Variants in LBR observed in about 807,000 individuals in gnomAD.
The protein encoded by LBR is lamin B receptor.
In LBR, 28 loss-of-function variants were observed where a neutral mutation model predicts 74.3. That is an observed-to-expected ratio of 0.38 (90% CI 0.28 to 0.52). The LOEUF (loss-of-function observed/expected upper bound fraction) is 0.52, where lower values mean the gene tolerates loss of function less well. Among genes scored for constraint, LBR ranks in the 20% least tolerant of loss-of-function variants. LBR has a pLI of 0.89. For synonymous variants in LBR, 228 were observed against 269.3 expected (o/e 0.85, Z 1.50); for missense variants, 717 against 760.3 (o/e 0.94, Z 0.67).
chr1:225,409,720 AAAAC>A (rs985245672), intron 10 of LBR, among the ~76,000 whole-genome samples: 8 of 152,234 alleles, frequency 5.3e-5, no homozygotes, highest in Non-Finnish European at 1.0e-4. Flanking sequence ...TGAGACAGAG[AAAAC>A]AAACAAAACA....
At chr1:225,416,012 G>C (rs2096116386) in intron 6 of LBR, among the ~76,000 whole-genome samples, 1 of 152,018 alleles carries the variant, frequency 6.6e-6, no homozygotes, top group Non-Finnish European at 1.5e-5. Flanking sequence ...AGACCAGCCT[G>C]GGCAACATGG....
At chr1:225,427,250 T>G (rs964307143) in intron 1 of LBR, 1 of 152,168 alleles carries the variant, frequency 6.6e-6, no homozygotes, top group Non-Finnish European at 1.5e-5. Context: ...CTGGCTGTCA[T>G]TAGAACATTT....
intron 7 of LBR, 122 bp from the exon 8 acceptor site, chr1:225,412,767 T>A (rs1213024388): frequency 4.6e-6 from 4 of 864,174 alleles, no homozygotes; most frequent in Non-Finnish European, 7.3e-6. Flanking sequence ...TTATTCAGAC[T>A]AAATACACAC....
chr1:225,408,283 C>A (rs952070121), intron 10 of LBR, among the ~76,000 whole-genome samples: 1 of 152,206 alleles, frequency 6.6e-6, no homozygotes, highest in Admixed American at 6.5e-5. Flanking sequence ...TGAGGACACA[C>A]GGTGTTTTAA....
intron 11 of LBR, among the ~76,000 whole-genome samples, chr1:225,406,027 G>A (rs2096090849): frequency 6.6e-6 from 1 of 152,170 alleles, no homozygotes; most frequent in South Asian, 2.1e-4. Context: ...GTGGACCGCA[G>A]CTGCAGCCAA....
chr1:225,414,078 G>A (rs554568299), intron 7 of LBR: 3 of 456,756 alleles, frequency 6.6e-6, no homozygotes, highest in Non-Finnish European at 8.8e-6. Flanking sequence ...ACCAGAGGGA[G>A]GGAGGGTGCC....
At chr1:225,404,599 A>G (rs1202256479) in intron 12 of LBR, 27 bp downstream of exon 12, 2 of 1,573,758 alleles carry the variant, frequency 1.3e-6, no homozygotes, top group Non-Finnish European at 1.7e-6. Context: ...TGTAATATAT[A>G]TAATATAAAC....
intron 6 of LBR, among the ~76,000 whole-genome samples, chr1:225,417,390 G>GA (rs1176075462): frequency 6.6e-6 from 1 of 152,076 alleles, no homozygotes; most frequent in Non-Finnish European, 1.5e-5. Context: ...ACTGAAAGAA[G>GA]AAAAAACTAC....
chr1:225,414,041 C>T (rs1295997438), intron 7 of LBR: 12 of 456,780 alleles, frequency 2.6e-5, no homozygotes, highest in South Asian at 1.9e-4. Flanking sequence ...ACCCCAGACT[C>T]ACCTTCCCTG....
At position 225,417,986 on chromosome 1, in the gene LBR, T is replaced by C; in HGVS notation, c.835A>G (p.Lys279Glu). The C allele has an allele frequency of 6.2e-7, 1 of 1,613,716 alleles. No individual in the cohort carries two copies. The highest frequency in any genetic ancestry group is 1.1e-5 in the South Asian group (1 of 91,066). ...AAACAGAATTACCATAAACGTACCT[T>C]TCCAATTGGCAGTAGGTAGAACAGG... ...QVLFYLLPIG[K>E]VVEGTPLIDG... The change falls in exon 6 of 14, where the codon AAG becomes GAG. Residue 279 changes from lysine to glutamate, a missense_variant and splice_region_variant. Coordinates refer to ENST00000272163, the MANE Select transcript of LBR (RefSeq NM_002296.4).
At chr1:225,425,619 T>C (rs2096137627) in intron 1 of LBR, among the ~76,000 whole-genome samples, 1 of 152,086 alleles carries the variant, frequency 6.6e-6, no homozygotes, top group Non-Finnish European at 1.5e-5. Flanking sequence ...ACATCCAGCT[T>C]TGCCTATTTC....
At chr1:225,405,607 A>G (rs1350940366) in intron 11 of LBR, among the ~76,000 whole-genome samples, 1 of 151,996 alleles carries the variant, frequency 6.6e-6, no homozygotes, top group Non-Finnish European at 1.5e-5. Context: ...CCACCCTGGG[A>G]TGCTGCAGCA....
chr1:225,424,951 C>A (rs2096136175), intron 1 of LBR, among the ~76,000 whole-genome samples: 1 of 152,192 alleles, frequency 6.6e-6, no homozygotes, highest in African/African-American at 2.4e-5. Flanking sequence ...CACAACAAAA[C>A]CAGGGCTGCC....
Position 225,410,353 on chromosome 1 carries a change from A to C in LBR, c.1252T>G (p.Leu418Val). Residue 418 changes from leucine to valine, a missense_variant, in exon 10 of 14, where the codon TTG becomes GTG. Leu to Val is a conservative substitution (Grantham distance 32). Transcript: ENST00000272163. ...MKIQDRAVPS[L>V]AMILVNSFQL... is the part of the protein sequence containing the mutation. ...AAACTATTAACTAAAATCATGGCCAAGGATGGAACAGCGCGGTCCTGTATT... is the reference window on the plus strand; with the variant it reads ...AAACTATTAACTAAAATCATGGCCACGGATGGAACAGCGCGGTCCTGTATT... The C allele has an allele frequency of 1.9e-6, 3 of 1,614,218 alleles. No individual in the cohort carries two copies. Among genetic ancestry groups the C allele is most frequent in the Admixed American group, 1.7e-5 (1 of 60,032 alleles).
In LBR at chr1:225,410,365, C is replaced by T. The variant is rs765875442; in HGVS notation, c.1240G>A (p.Ala414Thr). ...AAAATCATGGCCAAGGATGGAACAG[C>T]GCGGTCCTGTATTTTCATTTCAGCC... ...LLAEMKIQDR[A>T]VPSLAMILVN... The change falls in exon 10 of 14, where the codon GCT becomes ACT. Residue 414 changes from alanine to threonine, a missense_variant. Physicochemically the swap from Ala to Thr is moderately conservative, Grantham distance 58. Transcript: ENST00000272163. 20 of 1,614,054 alleles carry T rather than the reference C, an allele frequency of 1.2e-5. No homozygotes were observed. Among genetic ancestry groups the T allele is most frequent in the African/African-American group, 6.7e-5 (5 of 74,900 alleles).
At chr1:225,403,515 G>A (rs781430966) in intron 13 of LBR, 52 bp from the exon 14 acceptor site, 3 of 1,455,694 alleles carry the variant, frequency 2.1e-6, no homozygotes, top group Admixed American at 3.4e-5. Flanking sequence ...TCACTACAAT[G>A]TATTTTTTCC....
chr1:225,419,759 G>A lies in LBR; in HGVS notation c.406C>T (p.Pro136Ser). 1 of 1,612,354 alleles carries A rather than the reference G, an allele frequency of 6.2e-7. No individual in the cohort carries two copies. Among genetic ancestry groups the A allele is most frequent in the South Asian group, 1.1e-5 (1 of 90,982 alleles). The change falls in exon 4 of 14, where the codon CCT becomes TCT. Residue 136 changes from proline (P) to serine (S), a missense_variant. Coordinates refer to ENST00000272163, the MANE Select transcript of LBR (RefSeq NM_002296.4). The stretch of plus-strand genomic sequence containing the variant: ...GCGTCATTTCTCTCAATATGCTCAG[G>A]CTCCCCATTATATCTGCTGATGCTA... ...GNSISRYNGEPEHIERNDAPH... is the reference protein window; with the variant it reads ...GNSISRYNGESEHIERNDAPH...
At chr1:225,408,908 TAGAAGAAACC>T (rs2096098469) in intron 10 of LBR, among the ~76,000 whole-genome samples, 1 of 152,148 alleles carries the variant, frequency 6.6e-6, no homozygotes, top group Non-Finnish European at 1.5e-5. Context: ...AAGCTAGTAA[TAGAAGAAACC>T]AGAAGAAATA....
At chr1:225,425,441 T>C (rs1409987123) in intron 1 of LBR, among the ~76,000 whole-genome samples, 2 of 152,110 alleles carry the variant, frequency 1.3e-5, no homozygotes, top group African/African-American at 2.4e-5. Flanking sequence ...CTACCTGAGA[T>C]TGGGCATCAC....
Sources: gnomAD v4.1 joint callset for allele counts (sites outside exome capture counted in the v4.1 genomes callset) on GRCh38, gnomAD v4.1.1 for gene constraint, MANE v1.5 for transcripts, NCBI Gene and HGNC (gene_info 2026-07-23, HGNC 2026-07-21) for gene names.